HIPK2: variants seen among roughly 807,000 people sequenced by gnomAD.
HIPK2 encodes the protein homeodomain-interacting protein kinase 2.
HIPK2 carries 27 observed loss-of-function variants against 113.7 expected under a neutral mutation model. The ratio of observed to expected loss-of-function variants is 0.24; its 90% CI spans 0.17 to 0.33. The LOEUF (loss-of-function observed/expected upper bound fraction) is 0.33. HIPK2 is among the 10% of genes least tolerant of loss of function. HIPK2 has a pLI of 1.00. For synonymous variants in HIPK2, 631 were observed against 642.2 expected (o/e 0.98, Z 0.26); for missense variants, 1,257 against 1,588.0 (o/e 0.79, Z 3.54).
chr7:139,645,683 T>C (rs1801190448), intron 2 of HIPK2, among the ~76,000 whole-genome samples: 1 of 152,156 alleles, frequency 6.6e-6, no homozygotes, highest in Admixed American at 6.5e-5. Flanking sequence ...GCCAGGTGGA[T>C]GAGGCTGGCC....
At chr7:139,582,381 C>T (rs529241100) in intron 13 of HIPK2, among the ~76,000 whole-genome samples, 8 of 152,312 alleles carry the variant, frequency 5.3e-5, no homozygotes, top group South Asian at 4.1e-4. Context: ...GAGCACAGCG[C>T]GAGCTGCGTG....
At chr7:139,715,484 A>G (rs535558656) in intron 2 of HIPK2, among the ~76,000 whole-genome samples, 3 of 151,814 alleles carry the variant, frequency 2.0e-5, no homozygotes, top group Non-Finnish European at 4.4e-5. Flanking sequence ...GATATTTAAG[A>G]CCCCCAGTGA....
At chr7:139,772,354 T>C (rs1056341771) in intron 1 of HIPK2, among the ~76,000 whole-genome samples, 4 of 152,154 alleles carry the variant, frequency 2.6e-5, no homozygotes, top group African/African-American at 9.7e-5. Flanking sequence ...ACACCAAATA[T>C]CAGAAACGAA....
At chr7:139,652,298 C>T (rs916421906) in intron 2 of HIPK2, among the ~76,000 whole-genome samples, 3 of 152,284 alleles carry the variant, frequency 2.0e-5, no homozygotes, top group East Asian at 1.9e-4. Context: ...ACGCTGCTCA[C>T]GAGTGGCTTT....
chr7:139,746,482 A>G (rs1038594334), intron 1 of HIPK2, among the ~76,000 whole-genome samples: 1 of 152,190 alleles, frequency 6.6e-6, no homozygotes, highest in South Asian at 2.1e-4. Flanking sequence ...AAAGACAGCG[A>G]CTGTGCTGAA....
intron 9 of HIPK2, among the ~76,000 whole-genome samples, chr7:139,612,658 C>T (rs779963681): frequency 1.3e-5 from 2 of 152,142 alleles, no homozygotes; most frequent in African/African-American, 2.4e-5. Context: ...TGTTACCTTA[C>T]GTTTACATAA....
intron 2 of HIPK2, among the ~76,000 whole-genome samples, chr7:139,655,991 C>T (rs2116508515): frequency 6.6e-6 from 1 of 152,252 alleles, no homozygotes; most frequent in Admixed American, 6.5e-5. Context: ...CTCAGCCTTG[C>T]CTCTCTTTGA....
chr7:139,707,253 T>C (rs1449333368), intron 2 of HIPK2, among the ~76,000 whole-genome samples: 2 of 152,244 alleles, frequency 1.3e-5, no homozygotes, highest in African/African-American at 4.8e-5. Flanking sequence ...TTCGAGACAG[T>C]TGCTTCTGTA....
chr7:139,753,768 C>T (rs1319093066), intron 1 of HIPK2, among the ~76,000 whole-genome samples: 3 of 152,224 alleles, frequency 2.0e-5, no homozygotes, highest in Admixed American at 6.5e-5. Flanking sequence ...TACACACCAG[C>T]GGCCCCCAGC....
At chr7:139,706,134 G>A (rs1442502236) in intron 2 of HIPK2, among the ~76,000 whole-genome samples, 1 of 152,202 alleles carries the variant, frequency 6.6e-6, no homozygotes, top group Non-Finnish European at 1.5e-5. Context: ...CATTTTCTGC[G>A]AAGGTATAAT....
chr7:139,573,533 G>T, intron 14 of HIPK2, 136 bp from the exon 15 acceptor site: 1 of 812,558 alleles, frequency 1.2e-6, no homozygotes, highest in Non-Finnish European at 1.9e-6. Flanking sequence ...TTCCCTCTGT[G>T]TGTTGAGAAA....
intron 2 of HIPK2, among the ~76,000 whole-genome samples, chr7:139,663,927 G>A (rs114957752): frequency 9.7e-4 from 148 of 152,212 alleles, no homozygotes; most frequent in African/African-American, 3.4e-3. Context: ...TCTTGTCCTC[G>A]ACTTCTGCCA....
chr7:139,604,340 T>C (rs1585264849), intron 9 of HIPK2, 117 bp from the exon 10 acceptor site: 1 of 1,427,746 alleles, frequency 7.0e-7, no homozygotes, highest in South Asian at 1.4e-5. Flanking sequence ...GGTGTGAGAG[T>C]GAGGGCCTGG....
intron 2 of HIPK2, among the ~76,000 whole-genome samples, chr7:139,691,329 C>T (rs536176932): frequency 9.9e-4 from 151 of 152,284 alleles, no homozygotes; most frequent in African/African-American, 3.4e-3. Flanking sequence ...AGCACTCTGA[C>T]GAGCCCGTCC....
chr7:139,593,758 C>T (rs1014490553), intron 12 of HIPK2, among the ~76,000 whole-genome samples: 1 of 152,210 alleles, frequency 6.6e-6, no homozygotes, highest in Non-Finnish European at 1.5e-5. Flanking sequence ...TGGGAATCAA[C>T]ATGCCCACAG....
At chr7:139,746,598 C>T (rs1420755144) in intron 1 of HIPK2, among the ~76,000 whole-genome samples, 1 of 152,136 alleles carries the variant, frequency 6.6e-6, no homozygotes, top group Non-Finnish European at 1.5e-5. Context: ...TCCCCTGAGT[C>T]CCCAAGCATG....
chr7:139,601,952 T>C (rs927641277), intron 10 of HIPK2, among the ~76,000 whole-genome samples: 17 of 144,142 alleles, frequency 1.2e-4, no homozygotes, highest in African/African-American at 3.8e-4. Flanking sequence ...ATGGCTTCTT[T>C]TTTTTTTTTT....
At chr7:139,684,475 G>A (rs1794157175) in intron 2 of HIPK2, among the ~76,000 whole-genome samples, 1 of 152,236 alleles carries the variant, frequency 6.6e-6, no homozygotes, top group African/African-American at 2.4e-5. Flanking sequence ...CCAGCACTTT[G>A]GGAGGCTAAG....
rs955257549 is a variant in HIPK2, at chr7:139,683,478, G to A, written c.1103+32454C>T. 1.3e-5 allele frequency among the ~76,000 whole-genome samples: 2 copies of A among 151,936 alleles called. No homozygotes were observed. The highest frequency in any genetic ancestry group is 2.1e-4 in the South Asian group (1 of 4,824). The stretch of plus-strand genomic sequence containing the variant: ...GCCTCCACAGGACTGCTCACAACAC[G>A]GGAGCCAAAGCGAGAAATACCAGAG... On this transcript the variant is annotated intron_variant, in intron 2 of 14. Transcript: ENST00000406875. This position sits in a 1 kb window ranked among gnomAD's most constrained non-coding sequence, Gnocchi z 4.2.
Sources: allele counts gnomAD v4.1 joint callset (sites outside exome capture counted in the v4.1 genomes callset), GRCh38; gene constraint gnomAD v4.1.1; non-coding constraint Gnocchi (gnomAD v3.1); transcripts MANE v1.5; gene names NCBI Gene and HGNC (gene_info 2026-07-23, HGNC 2026-07-21).